Variants in DZIP1 observed in about 807,000 individuals in gnomAD.
DZIP1 encodes the protein cilium assembly protein DZIP1.
Under a neutral mutation model 107.6 loss-of-function variants are expected in DZIP1, and 97 were observed. The ratio of observed to expected loss-of-function variants is 0.90; its 90% CI spans 0.77 to 1.07. The LOEUF (loss-of-function observed/expected upper bound fraction) is 1.07, where lower values mean the gene tolerates loss of function less well. DZIP1 is among the 50% of genes least tolerant of loss of function. The pLI is 0.00. For missense variants in DZIP1, 1,035 were observed against 1,063.6 expected, an observed-to-expected ratio of 0.97 and a Z score of 0.37; for synonymous variants, 390 against 386.4, an observed-to-expected ratio of 1.01 and a Z score of -0.11.
chr13:95,612,049 A>G lies in DZIP1; in HGVS notation c.1302T>C (p.Thr434=). 6.2e-7 allele frequency: 1 copy of G among 1,613,514 alleles called. No individual in the cohort carries two copies. Among genetic ancestry groups the G allele is most frequent in the Non-Finnish European group, 8.5e-7 (1 of 1,179,966 alleles). ...RLQEQNELII[T]QRQQIKDFTC... is the part of the protein sequence containing the mutation. Reference sequence around the variant, plus strand: ...CCGCCAGACATACCTGCTGTCTCTGAGTTATAATCAGCTCATTCTGCTCCT... The same window carrying G: ...CCGCCAGACATACCTGCTGTCTCTGGGTTATAATCAGCTCATTCTGCTCCT... Residue 434 remains threonine (T), a synonymous_variant, in exon 11 of 23, where the codon ACT becomes ACC. Coordinates refer to ENST00000376829, the MANE Select transcript of DZIP1 (RefSeq NM_198968.4).
At chr13:95,594,524 G>C (rs939379133) in intron 15 of DZIP1, among the ~76,000 whole-genome samples, 1 of 152,036 alleles carries the variant, frequency 6.6e-6, no homozygotes, top group Non-Finnish European at 1.5e-5. Flanking sequence ...TTTTGGCCAG[G>C]CTCAGTGGCT....
intron 21 of DZIP1, 76 bp from the exon 22 acceptor site, chr13:95,584,986 C>T: frequency 8.1e-7 from 1 of 1,233,742 alleles, no homozygotes; most frequent in Non-Finnish European, 1.2e-6. Flanking sequence ...ATTGGTTAGA[C>T]TGAGCATCTA....
intron 17 of DZIP1, 146 bp downstream of exon 17, chr13:95,590,132 AG>A: frequency 9.7e-7 from 1 of 1,028,594 alleles, no homozygotes; most frequent in Non-Finnish European, 1.4e-6. Context: ...TAGTACAAAC[AG>A]TAAAAGAGTT....
intron 8 of DZIP1, among the ~76,000 whole-genome samples, 163 bp from the exon 9 acceptor site, chr13:95,622,643 T>C (rs1361111726): frequency 6.6e-6 from 1 of 152,198 alleles, no homozygotes; most frequent in African/African-American, 2.4e-5. Flanking sequence ...CCTGTGGTTT[T>C]ACTGGTTTGT....
At chr13:95,617,998 A>G (rs1875347745) in intron 10 of DZIP1, 1 of 519,058 alleles carries the variant, frequency 1.9e-6, no homozygotes, top group African/African-American at 1.9e-5. Context: ...CAAGAACTTC[A>G]TCTTAGGCAT....
chr13:95,632,045 G>T (rs1015302883), intron 6 of DZIP1, among the ~76,000 whole-genome samples: 8 of 152,126 alleles, frequency 5.3e-5, no homozygotes, highest in Non-Finnish European at 1.0e-4. Context: ...ACACTCCCCA[G>T]GTTTCCCTCC....
intron 16 of DZIP1, among the ~76,000 whole-genome samples, chr13:95,591,445 C>T (rs2044311293): frequency 6.6e-6 from 1 of 152,176 alleles, no homozygotes; most frequent in Non-Finnish European, 1.5e-5. Context: ...TGTTGAATAA[C>T]AGTGTCTCAC....
chr13:95,612,249 T>A, intron 10 of DZIP1, 72 bp from the exon 11 acceptor site: 1 of 1,534,128 alleles, frequency 6.5e-7, no homozygotes, highest in Non-Finnish European at 8.8e-7. Context: ...AGATTTCAGG[T>A]ATACATGCTC....
At chr13:95,608,330 A>G (rs554324055) in intron 13 of DZIP1, among the ~76,000 whole-genome samples, 1 of 152,052 alleles carries the variant, frequency 6.6e-6, no homozygotes, top group African/African-American at 2.4e-5. Context: ...GAAAAAATTA[A>G]AAGGATGAGA....
At position 95,633,290 on chromosome 13, in the gene DZIP1, T is replaced by C. The variant is rs766108786; in HGVS notation, c.629A>G (p.Gln210Arg). 16 of 1,614,070 alleles carry C rather than the reference T, an allele frequency of 9.9e-6. No individual in the cohort carries two copies. The Admixed American group carries it at 2.7e-4, about 27-fold the overall frequency. ...CHFCDKAFMN[Q>R]AFLQSHIQRR... ...TTGAATGTGACTTTGTAGAAAAGCT[T>C]GGTTCATAAAGGCCTTGTCACAAAA... is the stretch of plus-strand genomic sequence containing the variant. Residue 210 changes from glutamine (Q) to arginine (R), a missense_variant, in exon 6 of 23, where the codon CAA (glutamine) becomes CGA (arginine). By Grantham distance (43) the Gln-to-Arg change is conservative (BLOSUM62 1). Coordinates refer to ENST00000376829, the MANE Select transcript of DZIP1 (RefSeq NM_198968.4).
At chr13:95,634,883 GGTTT>G (rs1390971473) in intron 5 of DZIP1, among the ~76,000 whole-genome samples, 2 of 151,618 alleles carry the variant, frequency 1.3e-5, no homozygotes, top group African/African-American at 2.4e-5. Flanking sequence ...AAAAACATTC[GGTTT>G]GTTTTGGAAT....
chr13:95,587,407 G>C, intron 20 of DZIP1, 132 bp downstream of exon 20: 1 of 1,210,720 alleles, frequency 8.3e-7, no homozygotes, highest in South Asian at 1.6e-5. Context: ...ATTTTCCGTG[G>C]GTGCCTTTGG....
In DZIP1 at chr13:95,581,717, C is replaced by T. The variant is rs1594632218; in HGVS notation, c.*517G>A. On this transcript the variant is annotated 3_prime_UTR_variant, in exon 23 of 23. Transcript: ENST00000376829. The stretch of plus-strand genomic sequence containing the variant: ...GATTAAAGGTGAACACCACCACACT[C>T]GGATTAAACTTACTTCTATATGAAA... The T allele has an allele frequency of 6.6e-6, 1 of 152,300 alleles. No individual in the cohort carries two copies. Among genetic ancestry groups the T allele is most frequent in the South Asian group, 2.1e-4 (1 of 4,834 alleles). 9.4% of individuals were successfully genotyped at this position (152,300 alleles called of 1,614,324 possible).
At chr13:95,602,505 A>T (rs574590443) in intron 14 of DZIP1, among the ~76,000 whole-genome samples, 1 of 152,172 alleles carries the variant, frequency 6.6e-6, no homozygotes, top group East Asian at 1.9e-4. Flanking sequence ...ATTCATTTCT[A>T]TATCTCTGTC....
At chr13:95,593,028 G>A (rs749258928) in intron 16 of DZIP1, among the ~76,000 whole-genome samples, 2 of 152,136 alleles carry the variant, frequency 1.3e-5, no homozygotes, top group Non-Finnish European at 2.9e-5. Flanking sequence ...CTCATCATTT[G>A]GGTGCTGGTT....
intron 13 of DZIP1, among the ~76,000 whole-genome samples, chr13:95,607,428 TA>T (rs5805943): frequency 0.27 from 40,706 of 152,102 alleles, 5,798 homozygotes; most frequent in Admixed American, 0.35. Context: ...TGTAAATTGC[TA>T]ACAAACTCTG....
intron 10 of DZIP1, among the ~76,000 whole-genome samples, chr13:95,619,275 T>C (rs945498884): frequency 6.6e-6 from 1 of 152,198 alleles, no homozygotes; most frequent in African/African-American, 2.4e-5. Context: ...TGTAAAACTA[T>C]GTATATATGA....
rs777711067 is a variant in DZIP1 at position 95,586,149 on chromosome 13, T to C, written c.2219-13A>G. The C allele has an allele frequency of 1.1e-5, 18 of 1,578,018 alleles. No homozygotes were observed. The South Asian group carries it at 2.1e-4, about 19-fold the overall frequency. The stretch of plus-strand genomic sequence containing the variant: ...TTAACGGCGACTCCTATAAGATCAA[T>C]AAAAATTAGGCAAGTTAAGTATTTA... On this transcript the variant is annotated splice_polypyrimidine_tract_variant and intron_variant, in intron 20 of 22. Coordinates refer to ENST00000376829, the MANE Select transcript of DZIP1 (RefSeq NM_198968.4).
chr13:95,619,758 A>G (rs1594709578), intron 10 of DZIP1, 127 bp downstream of exon 10: 2 of 848,378 alleles, frequency 2.4e-6, no homozygotes. Context: ...ATTATAGGTA[A>G]TTTTAATTTT....
Sources: allele counts gnomAD v4.1 joint callset (sites outside exome capture counted in the v4.1 genomes callset), GRCh38; gene constraint gnomAD v4.1.1; transcripts MANE v1.5; gene names NCBI Gene and HGNC (gene_info 2026-07-23, HGNC 2026-07-21).